Variants in BMP8A observed in about 807,000 individuals in gnomAD.
BMP8A encodes BMP-8A.
A neutral mutation model predicts 36.8 loss-of-function variants in BMP8A; 14 were observed. The ratio of observed to expected loss-of-function variants is 0.38; its 90% CI spans 0.25 to 0.60. The LOEUF (loss-of-function observed/expected upper bound fraction) is 0.60. BMP8A is among the 20% of genes least tolerant of loss of function. The pLI is 0.63. For synonymous variants in BMP8A, 120 were observed against 237.7 expected (o/e 0.50, Z 4.55); for missense variants, 267 against 551.1 (o/e 0.48, Z 5.16).
At chr1:39,494,235 A>G (rs1645185701) in intron 1 of BMP8A, among the ~76,000 whole-genome samples, 1 of 152,234 alleles carries the variant, frequency 6.6e-6, no homozygotes, top group Non-Finnish European at 1.5e-5. Context: ...CCCAGAAATG[A>G]ACTCTAAAAG....
intron 1 of BMP8A, among the ~76,000 whole-genome samples, chr1:39,505,056 C>T (rs749928047): frequency 1.3e-4 from 20 of 152,198 alleles, no homozygotes; most frequent in Middle Eastern, 3.2e-3. Flanking sequence ...TCGGGTTTTA[C>T]ACCACGACAT....
At chr1:39,508,586 C>T (rs1645323552) in intron 1 of BMP8A, among the ~76,000 whole-genome samples, 1 of 152,242 alleles carries the variant, frequency 6.6e-6, no homozygotes, top group South Asian at 2.1e-4. Context: ...CTCTTAGCAG[C>T]TAAAGCAGGG....
At position 39,527,067 on chromosome 1, in the gene BMP8A, T is replaced by C. The variant is rs1645490311; in HGVS notation, c.*1269T>C. Among the ~76,000 whole-genome samples the C allele has an allele frequency of 6.6e-6, 1 of 152,166 alleles. No individual in the cohort carries two copies. The highest frequency in any genetic ancestry group is 1.5e-5 in the Non-Finnish European group (1 of 68,022). On this transcript the variant is annotated 3_prime_UTR_variant, in exon 7 of 7. Transcript: ENST00000331593. ...GTGACTGGCAGTCTCCGGCCAGGCA[T>C]GGGGCAAGGGTGGGGACTGCCAGTG...
At position 39,506,203 on chromosome 1, in the gene BMP8A, T is replaced by A. The variant is rs1645300014; in HGVS notation, c.335-4971T>A. ...TAGTTAACAGTATCAATTTCCTGGT[T>A]TTTTTGTTTTTGTTTTTGTTTTTTG... On this transcript the variant is annotated intron_variant, in intron 1 of 6. Coordinates refer to ENST00000331593, the MANE Select transcript of BMP8A (RefSeq NM_181809.4). 1.3e-5 allele frequency among the ~76,000 whole-genome samples: 2 copies of A among 151,962 alleles called. 1 individual carries two copies. The highest frequency in any genetic ancestry group is 4.2e-4 in the South Asian group (2 of 4,810).
At chr1:39,498,260 T>G (rs1009008326) in intron 1 of BMP8A, among the ~76,000 whole-genome samples, 6 of 151,912 alleles carry the variant, frequency 3.9e-5, no homozygotes, top group Non-Finnish European at 8.8e-5. Context: ...GGTGGGGAGG[T>G]GCACCCAGCC....
chr1:39,509,537 G>A (rs1645332839), intron 1 of BMP8A, among the ~76,000 whole-genome samples: 3 of 152,172 alleles, frequency 2.0e-5, no homozygotes. Flanking sequence ...GGTGCTGTGG[G>A]ACAAGACAAG....
At position 39,529,570 on chromosome 1, in the gene BMP8A, C is replaced by G. The variant is rs1405286454; in HGVS notation, c.*3772C>G. On this transcript the variant is annotated 3_prime_UTR_variant, in exon 7 of 7. Coordinates refer to ENST00000331593, the MANE Select transcript of BMP8A (RefSeq NM_181809.4). Reference sequence around the variant, plus strand: ...AGCAAACAGTTGCCGCTCTCCACCCCCTGCTTTTTAAAAAAAATTTTTTCT... The same window carrying G: ...AGCAAACAGTTGCCGCTCTCCACCCGCTGCTTTTTAAAAAAAATTTTTTCT... Among the ~76,000 whole-genome samples the G allele has an allele frequency of 6.6e-6, 1 of 152,172 alleles. No homozygotes were observed. The highest frequency in any genetic ancestry group is 1.5e-5 in the Non-Finnish European group (1 of 68,038).
intron 3 of BMP8A, among the ~76,000 whole-genome samples, chr1:39,517,160 T>A (rs1645400633): frequency 6.6e-6 from 1 of 151,952 alleles, no homozygotes; most frequent in Non-Finnish European, 1.5e-5. Context: ...TATTTTTTTT[T>A]ATTTTTTAAA....
rs747796498 is a variant in BMP8A at position 39,524,509 on chromosome 1, G to A, written c.1060-1140G>A. On this transcript the variant is annotated intron_variant, in intron 6 of 6. Transcript: ENST00000331593. This position sits in a 1 kb window ranked among gnomAD's most constrained non-coding sequence, Gnocchi z 4.0. ...CAGCTGGAGGAGGAATGTTCCAGAA[G>A]GAGCAAGTGCAAGGCCCTAAGACAG... Among the ~76,000 whole-genome samples the A allele has an allele frequency of 1.1e-4, 16 of 152,166 alleles. No individual in the cohort carries two copies. The highest frequency in any genetic ancestry group is 2.1e-4 in the Non-Finnish European group (14 of 68,022).
At chr1:39,504,806 G>C (rs1066944) in intron 1 of BMP8A, among the ~76,000 whole-genome samples, 1 of 152,068 alleles carries the variant, frequency 6.6e-6, no homozygotes, top group African/African-American at 2.4e-5. Flanking sequence ...CGGTGAGGGG[G>C]ATGTGGCAGG....
Position 39,492,071 on chromosome 1 carries a change from C to A in BMP8A, c.80C>A (p.Pro27His), listed in dbSNP as rs1645163497. Reference protein sequence around the residue: ...ALGGGGPGLRPPPGCPQRRLG... With the variant: ...ALGGGGPGLRHPPGCPQRRLG... The stretch of plus-strand genomic sequence containing the variant: ...GGCGGGGGCGGCCCCGGCCTGCGAC[C>A]CCCGCCCGGCTGTCCCCAGCGACGT... Residue 27 changes from proline (P) to histidine (H), a missense_variant, in exon 1 of 7, where the codon CCC becomes CAC. Pro to His is a moderately conservative substitution (Grantham distance 77). Around this residue, in one of 7 missense-constraint regions of BMP8A, gnomAD observed 56 missense variants for 74.1 expected, o/e 0.76. Coordinates refer to ENST00000331593, the MANE Select transcript of BMP8A (RefSeq NM_181809.4). 10 of 1,122,640 alleles carry A rather than the reference C, an allele frequency of 8.9e-6. No individual in the cohort carries two copies. In the East Asian group the frequency reaches 5.1e-4, roughly 57 times the overall value. The allele number at this position is 1,122,640 out of a possible 1,614,324, so 69.5% of individuals were successfully genotyped here.
chr1:39,500,675 C>T (rs575850786), intron 1 of BMP8A, among the ~76,000 whole-genome samples: 20 of 151,472 alleles, frequency 1.3e-4, no homozygotes, highest in Admixed American at 2.6e-4. Flanking sequence ...ATTTTTGAGA[C>T]GGAGTCTTGC....
intron 6 of BMP8A, 90 bp from the exon 7 acceptor site, chr1:39,525,559 A>T: frequency 3.3e-6 from 5 of 1,512,680 alleles, no homozygotes; most frequent in Non-Finnish European, 4.5e-6. Context: ...TGGCCAGGGC[A>T]GGGAGCAGGT....
chr1:39,497,703 C>T lies in BMP8A; in HGVS notation c.334+5378C>T, dbSNP rs111836030. Among the ~76,000 whole-genome samples, 864 of 152,344 alleles carry T rather than the reference C, an allele frequency of 5.7e-3. 5 individuals carry two copies. Among genetic ancestry groups the T allele is most frequent in the African/African-American group, 0.019 (799 of 41,570 alleles). ...TCTTTCTCCTACTCCCCAGCAACCC[C>T]TGAACAACCTGAGAACAGGACCAAT... On this transcript the variant is annotated intron_variant, in intron 1 of 6. Transcript: ENST00000331593.
chr1:39,524,937 G>A lies in BMP8A; in HGVS notation c.1060-712G>A, dbSNP rs1645466835. On this transcript the variant is annotated intron_variant, in intron 6 of 6. Transcript: ENST00000331593. This position sits in a 1 kb window ranked among gnomAD's most constrained non-coding sequence, Gnocchi z 4.0. ...TCAGGGAAGGGAGGAGGCGAAAGGAGTCATCCAGGAGGCCTCCCAGGCGGG... is the reference window on the plus strand; with the variant it reads ...TCAGGGAAGGGAGGAGGCGAAAGGAATCATCCAGGAGGCCTCCCAGGCGGG... The A allele has an allele frequency of 6.5e-6, 1 of 152,688 alleles. No individual in the cohort carries two copies. The highest frequency in any genetic ancestry group is 2.4e-5 in the African/African-American group (1 of 41,456). The allele number at this position is 152,688 out of a possible 1,614,324, so 9.5% of individuals were successfully genotyped here. A position where few individuals can be genotyped will look rare whatever the true frequency, so the allele number is the denominator to read the frequency against.
intron 1 of BMP8A, among the ~76,000 whole-genome samples, chr1:39,505,269 G>A (rs571340966): frequency 1.4e-4 from 22 of 152,168 alleles, no homozygotes; most frequent in Non-Finnish European, 3.1e-4. Context: ...ACTTTCTTGG[G>A]CAGAGGTCCC....
rs1163854136 is a variant in BMP8A at position 39,524,599 on chromosome 1, G to C, written c.1060-1050G>C. ...AGGGGCTGGGTGCAGTGAAGGGGAG[G>C]AGAGTGGAGGGAGGTGATGCCGGGG... On this transcript the variant is annotated intron_variant, in intron 6 of 6. Coordinates refer to ENST00000331593, the MANE Select transcript of BMP8A (RefSeq NM_181809.4). The surrounding 1 kb of genome is among the most constrained non-coding windows in gnomAD (Gnocchi z 4.0). 3.3e-5 allele frequency among the ~76,000 whole-genome samples: 5 copies of C among 152,176 alleles called. No homozygotes were observed.
chr1:39,525,793 C>T lies in BMP8A; in HGVS notation c.1204C>T (p.His402Tyr). 6.2e-7 allele frequency: 1 copy of T among 1,614,094 alleles called. No individual in the cohort carries two copies. Among genetic ancestry groups the T allele is most frequent in the Non-Finnish European group, 8.5e-7 (1 of 1,180,030 alleles). Residue 402 changes from histidine to tyrosine, a missense_variant, in exon 7 of 7, where the codon CAC becomes TAC. Physicochemically the swap from His to Tyr is moderately conservative, Grantham distance 83. Transcript: ENST00000331593. ...RNMVVKACGC[H>Y] The stretch of plus-strand genomic sequence containing the variant: ...CATGGTGGTCAAGGCCTGCGGCTGC[C>T]ACTGAGTCAGCCCGCCCAGCCCTAC...
Position 39,523,013 on chromosome 1 carries a change from G to T in BMP8A, c.955G>T (p.Val319Phe), listed in dbSNP as rs1230575864. The change falls in exon 6 of 7, where the codon GTC becomes TTC. Residue 319 changes from valine (V) to phenylalanine (F), a missense_variant. By Grantham distance (50) the Val-to-Phe change is conservative. This residue lies in a region of BMP8A where 132 missense variants were observed against 151.3 expected (regional missense o/e 0.87). Transcript: ENST00000331593. ...CTTCTCCCTTGCCCCCCAGGACTGG[G>T]TCATCGCCCCCCAAGGCTACTCAGC... Reference protein sequence around the residue: ...SFQDLGWLDWVIAPQGYSAYY... With the variant: ...SFQDLGWLDWFIAPQGYSAYY... 1 of 1,609,158 alleles carries T rather than the reference G, an allele frequency of 6.2e-7. No homozygotes were observed. The highest frequency in any genetic ancestry group is 1.3e-5 in the African/African-American group (1 of 74,844).
Sources: gnomAD v4.1 joint callset for allele counts (sites outside exome capture counted in the v4.1 genomes callset) on GRCh38, gnomAD v4.1.1 for gene constraint, gnomAD v4.1.1 regional missense constraint, Gnocchi (gnomAD v3.1) non-coding constraint, MANE v1.5 for transcripts, NCBI Gene and HGNC (gene_info 2026-07-23, HGNC 2026-07-21) for gene names.